The following SEZ6L variants were observed in gnomAD, a reference collection of about 807,000 sequenced individuals.
SEZ6L encodes seizure related 6 homolog like.
SEZ6L carries 37 observed loss-of-function variants against 106.2 expected under a neutral mutation model. The observed-to-expected ratio is 0.35, with a 90% confidence interval of 0.27 to 0.46. The LOEUF (loss-of-function observed/expected upper bound fraction) is 0.46, where lower values mean the gene tolerates loss of function less well. Ranked by LOEUF, SEZ6L falls within the 20% of genes least tolerant of loss-of-function variation. The pLI, the probability that SEZ6L is intolerant of heterozygous loss-of-function variation, is 1.00. For missense variants in SEZ6L, 1,172 were observed against 1,332.8 expected, an observed-to-expected ratio of 0.88 and a Z score of 1.88; for synonymous variants, 541 against 570.4, an observed-to-expected ratio of 0.95 and a Z score of 0.73.
chr22:26,316,632 G>T (rs1432217852), intron 9 of SEZ6L, among the ~76,000 whole-genome samples: 1 of 152,066 alleles, frequency 6.6e-6, no homozygotes, highest in Non-Finnish European at 1.5e-5. Context: ...AGGAGTTCAA[G>T]ACCAGCCCAG....
rs2146068015 is a variant in SEZ6L at position 26,369,161 on chromosome 22, C to G, written c.2794+3595C>G. Among the ~76,000 whole-genome samples, 3 of 151,780 alleles carry G rather than the reference C, an allele frequency of 2.0e-5. No individual in the cohort carries two copies. In the Middle Eastern group the frequency reaches 0.01, roughly 516 times the overall value. On this transcript the variant is annotated intron_variant, in intron 13 of 16. Coordinates refer to ENST00000248933, the MANE Select transcript of SEZ6L (RefSeq NM_021115.5). ...CATAAACGGAGTCCTGAGCCCTTTC[C>G]ACGGAGATTCTGATTCACTGGGTCT...
At chr22:26,322,158 A>G (rs759343889) in intron 9 of SEZ6L, among the ~76,000 whole-genome samples, 1 of 152,250 alleles carries the variant, frequency 6.6e-6, no homozygotes, top group Non-Finnish European at 1.5e-5. Flanking sequence ...GGTATCTGGC[A>G]CATAGTTGGT....
rs1224016967 is a variant in SEZ6L at position 26,347,897 on chromosome 22, C to A, written c.2391C>A (p.Pro797=). 1 of 1,569,664 alleles carries A rather than the reference C, an allele frequency of 6.4e-7. No individual in the cohort carries two copies. Among genetic ancestry groups the A allele is most frequent in the Non-Finnish European group, 8.6e-7 (1 of 1,165,052 alleles). The part of the protein sequence containing the change: ...CQWDLSWSSD[P]PFCEKIMYCT... ...GGGACCTCAGCTGGAGCAGCGACCC[C>A]CCATTTTGTGAGAAAAGTAAGAGTG... is the stretch of plus-strand genomic sequence containing the variant. Residue 797 remains proline, a synonymous_variant, in exon 11 of 17, where the codon CCC becomes CCA. Transcript: ENST00000248933.
At chr22:26,179,820 A>C (rs1601959331) in intron 1 of SEZ6L, among the ~76,000 whole-genome samples, 2 of 151,920 alleles carry the variant, frequency 1.3e-5, no homozygotes, top group South Asian at 4.2e-4. Context: ...ATCTCTCATC[A>C]CCTCCACTTA....
chr22:26,259,901 A>G (rs1252799504), intron 1 of SEZ6L, among the ~76,000 whole-genome samples: 1 of 152,208 alleles, frequency 6.6e-6, no homozygotes, highest in African/African-American at 2.4e-5. Flanking sequence ...AGGTGTGACT[A>G]TATAGGGATC....
intron 15 of SEZ6L, among the ~76,000 whole-genome samples, chr22:26,376,794 A>G (rs1008871684): frequency 2.6e-5 from 4 of 152,194 alleles, no homozygotes; most frequent in Admixed American, 1.3e-4. Context: ...GGAGGGTTTC[A>G]TGCAGGGAAA....
At chr22:26,336,400 C>A (rs1217353487) in intron 9 of SEZ6L, among the ~76,000 whole-genome samples, 1 of 152,106 alleles carries the variant, frequency 6.6e-6, no homozygotes, top group Admixed American at 6.5e-5. Flanking sequence ...TCCTTCCCTT[C>A]TTCTTGTCTC....
At chr22:26,180,424 T>A (rs143037720) in intron 1 of SEZ6L, among the ~76,000 whole-genome samples, 1 of 152,336 alleles carries the variant, frequency 6.6e-6, no homozygotes, top group East Asian at 1.9e-4. Flanking sequence ...ACTTTTATTA[T>A]CTCTCTATTC....
chr22:26,336,280 A>T (rs890288514), intron 9 of SEZ6L, among the ~76,000 whole-genome samples: 1 of 151,946 alleles, frequency 6.6e-6, no homozygotes, highest in African/African-American at 2.4e-5. Context: ...GAGGATAAAT[A>T]CCCCAGCTCC....
intron 6 of SEZ6L, among the ~76,000 whole-genome samples, chr22:26,307,999 T>G (rs1410424416): frequency 6.6e-6 from 1 of 152,058 alleles, no homozygotes; most frequent in Non-Finnish European, 1.5e-5. Context: ...AGTGTATCAG[T>G]AGGAAGAGAA....
chr22:26,223,258 A>G (rs1207010183), intron 1 of SEZ6L, among the ~76,000 whole-genome samples: 1 of 152,326 alleles, frequency 6.6e-6, no homozygotes, highest in East Asian at 1.9e-4. Flanking sequence ...GTCTCCTGTC[A>G]AAGATAATGC....
At chr22:26,178,354 G>GGTCTCC (rs940873319) in intron 1 of SEZ6L, among the ~76,000 whole-genome samples, 9 of 152,174 alleles carry the variant, frequency 5.9e-5, no homozygotes, top group African/African-American at 2.2e-4. Flanking sequence ...CCCAGGCTAG[G>GGTCTCC]TATCCCTCCT....
At chr22:26,310,508 G>T in intron 6 of SEZ6L, among the ~76,000 whole-genome samples, 162 bp from the exon 7 acceptor site, 1 of 151,846 alleles carries the variant, frequency 6.6e-6, no homozygotes, top group East Asian at 1.9e-4. Flanking sequence ...TGAACTCCAG[G>T]CTGGGCAACA....
chr22:26,348,499 T>G (rs1601572634), intron 11 of SEZ6L, among the ~76,000 whole-genome samples: 1 of 93,996 alleles, frequency 1.1e-5, no homozygotes, highest in Admixed American at 1.5e-4. Context: ...TTGAGAGGGG[T>G]GGCTGGGAGA....
rs1178770649 is a variant in SEZ6L at position 26,340,491 on chromosome 22, C to T, written c.2071C>T (p.Pro691Ser). 3 of 1,614,052 alleles carry T rather than the reference C, an allele frequency of 1.9e-6. No homozygotes were observed. The highest frequency in any genetic ancestry group is 1.1e-5 in the South Asian group (1 of 91,042). Residue 691 changes from proline (P) to serine (S), a missense_variant, in exon 10 of 17, where the codon CCC (proline) becomes TCC (serine). By Grantham distance (74) the Pro-to-Ser change is moderately conservative. Coordinates refer to ENST00000248933, the MANE Select transcript of SEZ6L (RefSeq NM_021115.5). The stretch of plus-strand genomic sequence containing the variant: ...CATCTACGATGGCGACGAGGTCATG[C>T]CCCACATCTTGGGGCAGTACCTTGG... ...LTIYDGDEVM[P>S]HILGQYLGNS...
At chr22:26,265,209 C>G (rs867700734) in intron 1 of SEZ6L, among the ~76,000 whole-genome samples, 6 of 152,150 alleles carry the variant, frequency 3.9e-5, no homozygotes, top group African/African-American at 9.7e-5. Flanking sequence ...GGGCAAGTTT[C>G]CTTACACCAC....
chr22:26,350,655 C>CTTAT (rs1392146936), intron 11 of SEZ6L, among the ~76,000 whole-genome samples: 41 of 130,412 alleles, frequency 3.1e-4, no homozygotes, highest in African/African-American at 1.1e-3. Context: ...AGTTAGGAAA[C>CTTAT]TTTTTTTTTT....
At chr22:26,363,401 T>G (rs778573486) in intron 12 of SEZ6L, among the ~76,000 whole-genome samples, 1 of 152,228 alleles carries the variant, frequency 6.6e-6, no homozygotes, top group South Asian at 2.1e-4. Flanking sequence ...GTACTATTTA[T>G]GTTGTTGGCA....
At chr22:26,331,756 G>A (rs568108020) in intron 9 of SEZ6L, among the ~76,000 whole-genome samples, 2 of 152,222 alleles carry the variant, frequency 1.3e-5, no homozygotes, top group Non-Finnish European at 2.9e-5. Flanking sequence ...GCCAAGGCAG[G>A]TGGATCACCT....
Sources: allele counts gnomAD v4.1 joint callset (sites outside exome capture counted in the v4.1 genomes callset), GRCh38; gene constraint gnomAD v4.1.1; transcripts MANE v1.5; gene names NCBI Gene and HGNC (gene_info 2026-07-23, HGNC 2026-07-21).